The following ZNF385D variants were observed in gnomAD, a reference collection of about 807,000 sequenced individuals.
ZNF385D encodes the protein zinc finger protein 385D.
In ZNF385D, 15 loss-of-function variants were observed where a neutral mutation model predicts 35.8. The ratio of observed to expected loss-of-function variants is 0.42; its 90% CI spans 0.28 to 0.64. The LOEUF (loss-of-function observed/expected upper bound fraction) is 0.64, where lower values mean the gene tolerates loss of function less well. Among genes scored for constraint, ZNF385D ranks in the 30% least tolerant of loss-of-function variants. The probability of loss-of-function intolerance (pLI) is 0.23; values close to 1 mark genes in which losing one functional copy is unlikely to be tolerated. For synonymous variants in ZNF385D, 212 were observed against 186.8 expected, an observed-to-expected ratio of 1.13 and a Z score of -1.10; for missense variants, 474 against 494.6, an observed-to-expected ratio of 0.96 and a Z score of 0.39.
At chr3:22,137,136 AT>A (rs1182056713) in intron 3 of ZNF385D, among the ~76,000 whole-genome samples, 10 of 152,096 alleles carry the variant, frequency 6.6e-5, no homozygotes, top group African/African-American at 2.4e-4. Context: ...GGTATATAAG[AT>A]CTTTCTGTGT....
chr3:21,645,739 A>T (rs2065731265), intron 2 of ZNF385D, among the ~76,000 whole-genome samples: 1 of 152,146 alleles, frequency 6.6e-6, no homozygotes, highest in South Asian at 2.1e-4. Context: ...GGAAGGAAAG[A>T]ATCAAAGAAG....
At chr3:21,535,776 G>T (rs930246619) in intron 3 of ZNF385D, among the ~76,000 whole-genome samples, 8 of 151,920 alleles carry the variant, frequency 5.3e-5, no homozygotes, top group Non-Finnish European at 1.0e-4. Context: ...TGTGCCCACT[G>T]TTTCACATGA....
chr3:21,767,115 G>A (rs575157131), intron 3 of ZNF385D, among the ~76,000 whole-genome samples: 19 of 141,966 alleles, frequency 1.3e-4, no homozygotes, highest in African/African-American at 5.1e-4. Context: ...TTCTGTCTCA[G>A]CCTAAATTGA....
intron 2 of ZNF385D, among the ~76,000 whole-genome samples, chr3:22,321,008 TAATA>T (rs994861715): frequency 7.2e-5 from 11 of 151,912 alleles, no homozygotes; most frequent in African/African-American, 2.4e-4. Context: ...CGGAAAAACA[TAATA>T]AATCCTGTTA....
chr3:21,831,644 A>G (rs1694994185), intron 3 of ZNF385D, among the ~76,000 whole-genome samples: 1 of 152,184 alleles, frequency 6.6e-6, no homozygotes, highest in African/African-American at 2.4e-5. Flanking sequence ...CAACTTGTAG[A>G]AGCATAGATA....
chr3:21,996,268 G>C (rs547066467), intron 3 of ZNF385D, among the ~76,000 whole-genome samples: 41 of 152,260 alleles, frequency 2.7e-4, no homozygotes, highest in Admixed American at 1.1e-3. Context: ...GGGACGGCAG[G>C]AGTCAATGGT....
chr3:21,942,212 C>T (rs610320), intron 3 of ZNF385D, among the ~76,000 whole-genome samples: 39,594 of 152,004 alleles, frequency 0.26, 5,842 homozygotes, highest in Admixed American at 0.41. Context: ...AGAAATCATA[C>T]CCACTTGTTA....
intron 3 of ZNF385D, among the ~76,000 whole-genome samples, chr3:21,803,433 T>TA (rs1219498293): frequency 2.6e-5 from 4 of 152,204 alleles, no homozygotes; most frequent in Non-Finnish European, 1.5e-5. Context: ...CATTGATATT[T>TA]AAAATCAAAG....
intron 2 of ZNF385D, among the ~76,000 whole-genome samples, chr3:22,269,393 C>G (rs1701060187): frequency 6.6e-6 from 1 of 151,890 alleles, no homozygotes; most frequent in Non-Finnish European, 1.5e-5. Context: ...AGACTGTGAG[C>G]TGCTAAAATA....
chr3:21,747,637 G>A (rs1459929366), intron 1 of ZNF385D, among the ~76,000 whole-genome samples: 3 of 152,194 alleles, frequency 2.0e-5, no homozygotes, highest in Non-Finnish European at 4.4e-5. Flanking sequence ...GGTGCTTAGA[G>A]CTGGAGACAG....
intron 1 of ZNF385D, among the ~76,000 whole-genome samples, chr3:21,733,591 A>G (rs932928233): frequency 6.6e-6 from 1 of 152,038 alleles, no homozygotes; most frequent in Admixed American, 6.6e-5. Flanking sequence ...CAAGTTATTA[A>G]TTTTATGTAG....
At chr3:21,823,384 G>A (rs1694397325) in intron 3 of ZNF385D, among the ~76,000 whole-genome samples, 1 of 151,988 alleles carries the variant, frequency 6.6e-6, no homozygotes, top group Non-Finnish European at 1.5e-5. Flanking sequence ...TGATTTACTG[G>A]ACTTTGCATT....
intron 3 of ZNF385D, among the ~76,000 whole-genome samples, chr3:22,091,245 G>T (rs559523382): frequency 6.6e-6 from 1 of 152,116 alleles, no homozygotes; most frequent in East Asian, 1.9e-4. Context: ...GGAGATACCA[G>T]AGCCTACTGG....
intron 3 of ZNF385D, among the ~76,000 whole-genome samples, chr3:22,029,242 C>A (rs1394809497): frequency 6.6e-6 from 1 of 152,024 alleles, no homozygotes; most frequent in Non-Finnish European, 1.5e-5. Flanking sequence ...CTTACTTGCA[C>A]TATCAAGATG....
At chr3:22,219,783 G>C (rs1311979215) in intron 2 of ZNF385D, among the ~76,000 whole-genome samples, 1 of 152,098 alleles carries the variant, frequency 6.6e-6, no homozygotes, top group Non-Finnish European at 1.5e-5. Flanking sequence ...AATAGTCTTG[G>C]ATCAGTTTAA....
chr3:21,846,441 T>C (rs1696010863), intron 3 of ZNF385D, among the ~76,000 whole-genome samples: 1 of 152,066 alleles, frequency 6.6e-6, no homozygotes, highest in South Asian at 2.1e-4. Flanking sequence ...TTAAATTGTG[T>C]GCTCCTGATC....
At chr3:21,498,090 C>T (rs541833508) in intron 4 of ZNF385D, among the ~76,000 whole-genome samples, 137 of 151,996 alleles carry the variant, frequency 9.0e-4, no homozygotes, top group African/African-American at 3.2e-3. Flanking sequence ...TGATCTTCAA[C>T]AAAATAAACA....
At chr3:21,805,643 A>T (rs1204535231) in intron 3 of ZNF385D, among the ~76,000 whole-genome samples, 1 of 152,210 alleles carries the variant, frequency 6.6e-6, no homozygotes, top group Non-Finnish European at 1.5e-5. Context: ...GTCTTTGATC[A>T]TCCACCTCTG....
intron 3 of ZNF385D, among the ~76,000 whole-genome samples, chr3:22,015,529 C>T (rs1696830952): frequency 6.6e-6 from 1 of 152,124 alleles, no homozygotes; most frequent in Non-Finnish European, 1.5e-5. Flanking sequence ...CCTGGTGACT[C>T]TCAATCCCAT....
Sources: allele counts gnomAD v4.1 joint callset (sites outside exome capture counted in the v4.1 genomes callset), GRCh38; gene constraint gnomAD v4.1.1; transcripts MANE v1.5; gene names NCBI Gene and HGNC (gene_info 2026-07-23, HGNC 2026-07-21).